Variants in FGF13 observed in about 807,000 individuals in gnomAD.
FGF13 encodes fibroblast growth factor homologous factor 2.
In FGF13, 2 loss-of-function variants were observed where a neutral mutation model predicts 19.5. The observed-to-expected ratio is 0.10, with a 90% CI of 0.04 to 0.32. The LOEUF (loss-of-function observed/expected upper bound fraction) is 0.32. FGF13 is among the 10% of genes least tolerant of loss of function. The probability of loss-of-function intolerance (pLI) is 1.00; values close to 1 mark genes in which losing one functional copy is unlikely to be tolerated. For missense variants in FGF13, 113 were observed against 192.7 expected (o/e 0.59, Z 2.45); for synonymous variants, 72 against 76.9 (o/e 0.94, Z 0.33).
chrX:138,669,592 T>C (rs5976186), intron 3 of FGF13, among the ~76,000 whole-genome samples: 1,592 of 111,301 alleles, frequency 0.014, 23 homozygotes, highest in African/African-American at 0.047. Flanking sequence ...GAAAGCGGCA[T>C]GCAGTCTACA....
chrX:138,847,291 G>A (rs1165609729), intron 3 of FGF13, among the ~76,000 whole-genome samples: 1 of 111,678 alleles, frequency 9.0e-6, no homozygotes, highest in Admixed American at 9.5e-5. Flanking sequence ...CTATCTGACA[G>A]GGTTTTCGTG....
At chrX:138,842,456 G>A (rs2091155245) in intron 3 of FGF13, among the ~76,000 whole-genome samples, 1 of 110,788 alleles carries the variant, frequency 9.0e-6, no homozygotes, top group African/African-American at 3.3e-5. Flanking sequence ...AGAAGGGCAG[G>A]GGAAGGATCA....
At chrX:139,059,161 A>C (rs1210269808) in intron 1 of FGF13, among the ~76,000 whole-genome samples, 1 of 111,223 alleles carries the variant, frequency 9.0e-6, no homozygotes, top group Non-Finnish European at 1.9e-5. Flanking sequence ...ACCAAAAGCT[A>C]GGTGATTAGA....
intron 1 of FGF13, among the ~76,000 whole-genome samples, chrX:139,112,478 ATC>A (rs1430366958): frequency 8.9e-5 from 10 of 111,916 alleles, no homozygotes; most frequent in African/African-American, 3.2e-4. Flanking sequence ...CTGGGAAACC[ATC>A]ACCACAGTCT....
intron 3 of FGF13, among the ~76,000 whole-genome samples, chrX:138,820,453 G>C (rs1428122699): frequency 1.8e-5 from 2 of 111,921 alleles, no homozygotes; most frequent in Non-Finnish European, 3.8e-5. Flanking sequence ...TCAATATTTT[G>C]GGTTTGGGGT....
intron 1 of FGF13, among the ~76,000 whole-genome samples, chrX:138,989,773 C>A (rs191883498): frequency 2.3e-4 from 24 of 106,050 alleles, no homozygotes; most frequent in African/African-American, 8.3e-4. Context: ...ATAGGTAATA[C>A]ATCTTTGTGG....
intron 1 of FGF13, among the ~76,000 whole-genome samples, chrX:138,954,247 G>A (rs1187873959): frequency 1.8e-5 from 2 of 111,318 alleles, no homozygotes; most frequent in Non-Finnish European, 3.8e-5. Context: ...TATGACAAAC[G>A]CTGTTCTTAT....
intron 3 of FGF13, among the ~76,000 whole-genome samples, chrX:138,846,303 G>A (rs1003466914): frequency 5.5e-5 from 6 of 108,299 alleles, no homozygotes; most frequent in African/African-American, 1.7e-4. Context: ...CTTTTGGAAG[G>A]GACAGAATCA....
intron 1 of FGF13, among the ~76,000 whole-genome samples, chrX:139,076,442 G>C (rs766213195): frequency 1.8e-5 from 2 of 110,878 alleles, no homozygotes; most frequent in South Asian, 7.6e-4. Context: ...ATCTAAAAAG[G>C]TAAAAAAAAC....
chrX:138,867,454 C>T (rs775701758), intron 1 of FGF13, among the ~76,000 whole-genome samples: 3 of 110,155 alleles, frequency 2.7e-5, no homozygotes, highest in Non-Finnish European at 5.7e-5. Context: ...TAAAGACATA[C>T]CCCAGACTGG....
intron 1 of FGF13, among the ~76,000 whole-genome samples, chrX:139,011,825 G>A (rs1197170206): frequency 9.0e-6 from 1 of 111,467 alleles, no homozygotes; most frequent in Non-Finnish European, 1.9e-5. Context: ...CATAGTATTG[G>A]AAGACCAAGC....
chrX:138,902,264 A>G (rs1350061542), intron 1 of FGF13, among the ~76,000 whole-genome samples: 3 of 112,513 alleles, frequency 2.7e-5, no homozygotes, highest in Non-Finnish European at 5.6e-5. Flanking sequence ...AGCACTCAAC[A>G]CAGGTTATTT....
At chrX:138,841,180 G>A (rs1199857347) in intron 3 of FGF13, among the ~76,000 whole-genome samples, 5 of 111,224 alleles carry the variant, frequency 4.5e-5, no homozygotes, top group Non-Finnish European at 9.4e-5. Context: ...CTTACAAAAT[G>A]TTACTTTTCC....
At chrX:138,711,832 C>T (rs1417180055), upstream of FGF13, among the ~76,000 whole-genome samples, 3 of 104,008 alleles carry the variant, frequency 2.9e-5, no homozygotes, top group East Asian at 3.2e-4. Flanking sequence ...CCCCCAAGTC[C>T]CCGGCCGCCC....
intron 3 of FGF13, among the ~76,000 whole-genome samples, chrX:138,772,844 C>T (rs1014650538): frequency 9.1e-6 from 1 of 110,240 alleles, no homozygotes; most frequent in East Asian, 2.9e-4. Context: ...CTGGTGTTAC[C>T]TTTCATATGA....
chrX:138,861,795 G>A (rs1019018179), intron 2 of FGF13, among the ~76,000 whole-genome samples: 12 of 111,463 alleles, frequency 1.1e-4, no homozygotes, highest in African/African-American at 3.9e-4. Flanking sequence ...CTGAGGTCAT[G>A]AGTTCGAGAC....
At chrX:139,065,252 G>C (rs2092351042) in intron 1 of FGF13, among the ~76,000 whole-genome samples, 1 of 109,716 alleles carries the variant, frequency 9.1e-6, no homozygotes, top group Non-Finnish European at 1.9e-5. Flanking sequence ...TCAACTAATG[G>C]GCAAAATAAC....
At chrX:138,913,182 CTTTTTTT>C (rs35078012) in intron 1 of FGF13, among the ~76,000 whole-genome samples, 4 of 37,094 alleles carry the variant, frequency 1.1e-4, no homozygotes, top group African/African-American at 5.0e-4. Flanking sequence ...AAAGCATCTA[CTTTTTTT>C]TTTTTTTTTT....
intron 3 of FGF13, among the ~76,000 whole-genome samples, chrX:138,660,928 A>G (rs2089484627): frequency 8.9e-6 from 1 of 111,897 alleles, no homozygotes; most frequent in Admixed American, 9.5e-5. Flanking sequence ...TACATCTAAG[A>G]AAAATATAAC....
Sources: gnomAD v4.1 joint callset for allele counts (sites outside exome capture counted in the v4.1 genomes callset) on GRCh38, gnomAD v4.1.1 for gene constraint, MANE v1.5 for transcripts, NCBI Gene and HGNC (gene_info 2026-07-23, HGNC 2026-07-21) for gene names.